The following DNAH14 variants were observed in gnomAD, a reference collection of about 807,000 sequenced individuals.
DNAH14 encodes dynein axonemal heavy chain 14.
In DNAH14, 478 loss-of-function variants were observed where a neutral mutation model predicts 520.9. That is an observed-to-expected ratio of 0.92 (90% CI 0.85 to 0.99). DNAH14 has a LOEUF of 0.99. Ranked by LOEUF, DNAH14 falls within the 50% of genes least tolerant of loss-of-function variation. The pLI is 0.00. For missense variants in DNAH14, 4,831 were observed against 5,234.5 expected, an observed-to-expected ratio of 0.92 and a Z score of 2.38; for synonymous variants, 1,581 against 1,757.2, an observed-to-expected ratio of 0.90 and a Z score of 2.51.
chr1:225,317,536 C>G (rs548119311), intron 60 of DNAH14, among the ~76,000 whole-genome samples: 2 of 152,126 alleles, frequency 1.3e-5, no homozygotes, highest in East Asian at 3.9e-4. Context: ...CATTGAAACA[C>G]TCCAAAACAT....
At chr1:225,128,787 A>G (rs894757599) in intron 27 of DNAH14, among the ~76,000 whole-genome samples, 1 of 152,060 alleles carries the variant, frequency 6.6e-6, no homozygotes, top group Non-Finnish European at 1.5e-5. Flanking sequence ...CACCACTCCT[A>G]TTCAACACAG....
chr1:224,977,881 G>C (rs2061977231), intron 8 of DNAH14, among the ~76,000 whole-genome samples: 1 of 152,114 alleles, frequency 6.6e-6, no homozygotes, highest in African/African-American at 2.4e-5. Context: ...TTTCTCAAAA[G>C]AAGGAATACA....
rs545851163 is a variant in DNAH14, at chr1:225,105,531, C to G, written c.3867+4647C>G. Reference sequence around the variant, plus strand: ...ATTGTGTGGGAGTCTAAGTCTCTTTCTAAGTCTCTAAGGACTTGCTTTATG... The same window carrying G: ...ATTGTGTGGGAGTCTAAGTCTCTTTGTAAGTCTCTAAGGACTTGCTTTATG... On this transcript the variant is annotated intron_variant, in intron 23 of 85. Coordinates refer to ENST00000682510, the MANE Select transcript of DNAH14 (RefSeq NM_001367479.1). Among the ~76,000 whole-genome samples the G allele has an allele frequency of 5.3e-5, 8 of 152,166 alleles. No individual in the cohort carries two copies. The East Asian group carries it at 9.7e-4, about 18-fold the overall frequency.
intron 81 of DNAH14, among the ~76,000 whole-genome samples, chr1:225,386,526 A>G (rs966535550): frequency 8.5e-5 from 13 of 152,214 alleles, no homozygotes; most frequent in Non-Finnish European, 1.9e-4. Flanking sequence ...ACGTAAATAA[A>G]TTTACAAGAA....
At chr1:225,171,438 A>G (rs2082649712) in intron 36 of DNAH14, among the ~76,000 whole-genome samples, 1 of 152,188 alleles carries the variant, frequency 6.6e-6, no homozygotes, top group Non-Finnish European at 1.5e-5. Context: ...TAAAGGGGAT[A>G]TCACCACCGA....
At chr1:225,038,938 T>C in intron 12 of DNAH14, 115 bp downstream of exon 12, 1 of 849,624 alleles carries the variant, frequency 1.2e-6, no homozygotes, top group Non-Finnish European at 1.7e-6. Context: ...CAACATACCC[T>C]CGCCAACACA....
At chr1:225,185,617 A>G (rs1205163869) in intron 37 of DNAH14, among the ~76,000 whole-genome samples, 192 bp downstream of exon 37, 1 of 151,954 alleles carries the variant, frequency 6.6e-6, no homozygotes, top group Non-Finnish European at 1.5e-5. Context: ...GTTTAAAGAA[A>G]CTATTGTATA....
chr1:225,035,122 T>C (rs2066855084), intron 11 of DNAH14, among the ~76,000 whole-genome samples: 1 of 152,126 alleles, frequency 6.6e-6, no homozygotes, highest in African/African-American at 2.4e-5. Context: ...TTTCTTGTCT[T>C]CTGCTAGCTT....
At chr1:225,321,614 G>T (rs1227942393) in intron 61 of DNAH14, among the ~76,000 whole-genome samples, 1 of 152,088 alleles carries the variant, frequency 6.6e-6, no homozygotes, top group East Asian at 1.9e-4. Context: ...AGTTCCAAAT[G>T]CTGGTGCACA....
intron 1 of DNAH14, among the ~76,000 whole-genome samples, chr1:224,936,036 G>C (rs189288854): frequency 6.6e-6 from 1 of 151,430 alleles, no homozygotes; most frequent in Non-Finnish European, 1.5e-5. Context: ...GAAACATAAC[G>C]TACCCAAACC....
At position 225,117,890 on chromosome 1, in the gene DNAH14, G is replaced by T. The variant is rs1573235827; in HGVS notation, c.3982G>T (p.Val1328Leu). Reference protein sequence around the residue: ...RNPESVQPHLVKCFENIKQLL... With the variant: ...RNPESVQPHLLKCFENIKQLL... ...TGTTTCTGGTTCACAGCCTCATCTTGTGAAATGCTTTGAAAATATAAAACA... is the reference window on the plus strand; with the variant it reads ...TGTTTCTGGTTCACAGCCTCATCTTTTGAAATGCTTTGAAAATATAAAACA... The change falls in exon 25 of 86, where the codon GTG (valine) becomes TTG (leucine). Residue 1328 changes from valine to leucine, a missense_variant. Val to Leu is a conservative substitution (Grantham distance 32). Transcript: ENST00000682510. The T allele has an allele frequency of 6.5e-7, 1 of 1,547,380 alleles. No homozygotes were observed. The highest frequency in any genetic ancestry group is 8.7e-7 in the Non-Finnish European group (1 of 1,143,520).
chr1:225,274,206 T>A (rs918251330), intron 52 of DNAH14, among the ~76,000 whole-genome samples: 4 of 119,366 alleles, frequency 3.4e-5, no homozygotes, highest in Non-Finnish European at 5.0e-5. Flanking sequence ...TATTTTTTTT[T>A]TTTTTTTTTT....
intron 4 of DNAH14, 62 bp from the exon 5 acceptor site, chr1:224,964,417 A>G: frequency 1.3e-6 from 2 of 1,500,792 alleles, no homozygotes; most frequent in Non-Finnish European, 8.9e-7. Flanking sequence ...AATATTATGC[A>G]TTATCCTTAA....
At chr1:225,388,730 C>T (rs2150818509) in intron 82 of DNAH14, among the ~76,000 whole-genome samples, 2 of 152,264 alleles carry the variant, frequency 1.3e-5, no homozygotes, top group South Asian at 4.1e-4. Context: ...ATTTCTCTTT[C>T]CTAAGAAATG....
chr1:225,093,506 A>G (rs2074599604), intron 21 of DNAH14, among the ~76,000 whole-genome samples: 1 of 152,186 alleles, frequency 6.6e-6, no homozygotes. Context: ...GCCATATATG[A>G]CAAACCCGCA....
At chr1:225,211,578 C>A (rs189858764) in intron 41 of DNAH14, among the ~76,000 whole-genome samples, 1 of 152,042 alleles carries the variant, frequency 6.6e-6, no homozygotes, top group African/African-American at 2.4e-5. Flanking sequence ...AAACACTCTT[C>A]AAGATATCCA....
intron 11 of DNAH14, among the ~76,000 whole-genome samples, chr1:225,029,426 T>G (rs957064179): frequency 1.3e-5 from 2 of 152,054 alleles, no homozygotes; most frequent in Non-Finnish European, 2.9e-5. Context: ...TTACTGGATA[T>G]AAATTATACC....
At position 225,259,173 on chromosome 1, in the gene DNAH14, A is replaced by G. The variant is rs2092844785; in HGVS notation, c.7077A>G (p.Leu2359=). The G allele has an allele frequency of 6.5e-7, 1 of 1,547,054 alleles. No individual in the cohort carries two copies. Among genetic ancestry groups the G allele is most frequent in the Non-Finnish European group, 8.7e-7 (1 of 1,145,474 alleles). Residue 2359 remains leucine, a synonymous_variant, in exon 46 of 86, where the codon CTA becomes CTG. Transcript: ENST00000682510. Reference sequence around the variant, plus strand: ...CCATTAATCAAATGCTTGAAAAGCTAGAGGGTCCAGGAGCATTTGACATAA... The same window carrying G: ...CCATTAATCAAATGCTTGAAAAGCTGGAGGGTCCAGGAGCATTTGACATAA... ...TAAINQMLEK[L]EGPGAFDIKH...
intron 27 of DNAH14, among the ~76,000 whole-genome samples, chr1:225,132,809 T>C (rs1465954714): frequency 6.6e-6 from 1 of 152,212 alleles, no homozygotes; most frequent in Non-Finnish European, 1.5e-5. Flanking sequence ...TCTTCCATGA[T>C]GTTAAACTGA....
Sources: gnomAD v4.1 joint callset for allele counts (sites outside exome capture counted in the v4.1 genomes callset) on GRCh38, gnomAD v4.1.1 for gene constraint, MANE v1.5 for transcripts, NCBI Gene and HGNC (gene_info 2026-07-23, HGNC 2026-07-21) for gene names.